MYOM1: variants seen among roughly 807,000 people sequenced by gnomAD.
MYOM1 encodes myomesin-1.
MYOM1 carries 164 observed loss-of-function variants against 205.3 expected under a neutral mutation model. The observed-to-expected ratio is 0.80, with a 90% CI of 0.70 to 0.91. The LOEUF is 0.91. Among genes scored for constraint, MYOM1 ranks in the 40% least tolerant of loss-of-function variants. The probability of loss-of-function intolerance (pLI) is 0.00; values close to 1 mark genes in which losing one functional copy is unlikely to be tolerated. For synonymous variants in MYOM1, 772 were observed against 789.4 expected, an observed-to-expected ratio of 0.98 and a Z score of 0.37; for missense variants, 2,011 against 2,127.3, an observed-to-expected ratio of 0.95 and a Z score of 1.08.
chr18:3,102,605 C>T lies in MYOM1; in HGVS notation c.3444G>A (p.Val1148=), dbSNP rs745657195. The T allele has an allele frequency of 9.3e-6, 15 of 1,613,560 alleles. No homozygotes were observed. The South Asian group carries it at 1.3e-4, about 14-fold the overall frequency. ...TCAATGAAATGACTCCATCATCATC[C>T]ACATTTACAACAACCTCTTTGGTTC... The part of the protein sequence containing the change: ...RPGTKEVVVN[V]DDDGVISLNF... Residue 1148 remains valine (V), a synonymous_variant, in exon 23 of 38, where the codon GTG becomes GTA. Coordinates refer to ENST00000356443, the MANE Select transcript of MYOM1 (RefSeq NM_003803.4).
At chr18:3,067,689 G>C (rs1167340752) in intron 37 of MYOM1, 134 bp from the exon 38 acceptor site, 3 of 869,762 alleles carry the variant, frequency 3.4e-6, no homozygotes, top group Admixed American at 5.6e-5. Context: ...AGGGTTTAAA[G>C]TAGTTCTGTG....
Position 3,173,954 on chromosome 18 carries a change from G to A in MYOM1, c.1158C>T (p.Ser386=), listed in dbSNP as rs1444919252. The change falls in exon 8 of 38, where the codon TCC becomes TCT. Residue 386 remains serine, a synonymous_variant. Coordinates refer to ENST00000356443, the MANE Select transcript of MYOM1 (RefSeq NM_003803.4). ...TAAACTTACAGCTGAGGGGCATGGT[G>A]GAAGCCCCAGCGTGGAAGCGAGTCT... ...FDETRFHAGA[S]TMPLSFGVTP... 1.9e-6 allele frequency: 3 copies of A among 1,613,604 alleles called. No homozygotes were observed. Among genetic ancestry groups the A allele is most frequent in the South Asian group, 1.1e-5 (1 of 91,066 alleles).
At chr18:3,075,263 C>A (rs537749092) in intron 36 of MYOM1, among the ~76,000 whole-genome samples, 191 bp downstream of exon 36, 8 of 152,194 alleles carry the variant, frequency 5.3e-5, no homozygotes, top group Non-Finnish European at 8.8e-5. Flanking sequence ...TACAATGTAA[C>A]CTGAGACCTT....
intron 2 of MYOM1, among the ~76,000 whole-genome samples, chr18:3,213,595 T>G (rs543586171): frequency 6.6e-6 from 1 of 151,884 alleles, no homozygotes; most frequent in South Asian, 2.1e-4. Context: ...ATAAGCCAAC[T>G]GCAAAGTGAA....
the MYOM1 span, among the ~76,000 whole-genome samples, chr18:3,227,175 CTTTT>C: frequency 6.0e-5 from 9 of 149,466 alleles, no homozygotes; most frequent in East Asian, 5.8e-4. Flanking sequence ...CTTTCTCTTT[CTTTT>C]GTTTTTTTTT....
At chr18:3,197,136 CT>C (rs34446814) in intron 2 of MYOM1, among the ~76,000 whole-genome samples, 32,651 of 132,156 alleles carry the variant, frequency 0.25, 2,780 homozygotes, top group African/African-American at 0.31. Flanking sequence ...CTCCAACTTC[CT>C]TTTTTTTTTT....
intron 14 of MYOM1, 22 bp downstream of exon 14, chr18:3,141,917 C>T (rs781089478): frequency 1.2e-6 from 2 of 1,613,060 alleles, no homozygotes; most frequent in African/African-American, 1.3e-5. Context: ...AGTATGAGGT[C>T]ATGTTGATTC....
intron 37 of MYOM1, among the ~76,000 whole-genome samples, chr18:3,070,957 T>C (rs1177258112): frequency 6.6e-6 from 1 of 151,934 alleles, no homozygotes; most frequent in Non-Finnish European, 1.5e-5. Context: ...TGGGGTTTCG[T>C]CGTGTTGCCC....
chr18:3,157,722 T>G (rs1253113607), intron 10 of MYOM1, among the ~76,000 whole-genome samples: 1 of 146,126 alleles, frequency 6.8e-6, no homozygotes, highest in African/African-American at 2.6e-5. Flanking sequence ...ATAATAATAA[T>G]AATCCTTCTT....
intron 34 of MYOM1, among the ~76,000 whole-genome samples, chr18:3,077,823 C>T (rs900741268): frequency 6.6e-6 from 1 of 152,166 alleles, no homozygotes. Flanking sequence ...ACTTGTGATG[C>T]AGGCAAAGTG....
At chr18:3,075,801 G>T (rs951941609) in intron 34 of MYOM1, 40 bp from the exon 35 acceptor site, 50 of 1,529,142 alleles carry the variant, frequency 3.3e-5, no homozygotes, top group Non-Finnish European at 4.3e-5. Flanking sequence ...TTCTCACCCA[G>T]AATTGATGAC....
At chr18:3,103,636 T>C (rs2079411310) in intron 22 of MYOM1, among the ~76,000 whole-genome samples, 1 of 152,210 alleles carries the variant, frequency 6.6e-6, no homozygotes, top group Admixed American at 6.5e-5. Context: ...ACAGCTGTAT[T>C]TTTTTAAAAA....
In MYOM1 at chr18:3,131,516, T is replaced by C. The variant is rs555728203; in HGVS notation, c.2385-20A>G. 2 of 1,605,928 alleles carry C rather than the reference T, an allele frequency of 1.2e-6. No homozygotes were observed. The highest frequency in any genetic ancestry group is 2.7e-5 in the African/African-American group (2 of 74,552). On this transcript the variant is annotated intron_variant, in intron 16 of 37. Transcript: ENST00000356443. ...GTGAATCTAAAAGGAAAACAAGTTT[T>C]AAAAAATTTTCCTAGGAGGAAGATT...
intron 2 of MYOM1, among the ~76,000 whole-genome samples, chr18:3,201,682 C>G (rs2081071011): frequency 6.8e-6 from 1 of 147,584 alleles, no homozygotes; most frequent in Non-Finnish European, 1.5e-5. Context: ...GAGTCTTGCT[C>G]TGTCACCCAG....
intron 23 of MYOM1, 137 bp from the exon 24 acceptor site, chr18:3,100,563 C>A: frequency 1.5e-6 from 1 of 664,990 alleles, no homozygotes; most frequent in African/African-American, 1.8e-5. Flanking sequence ...CTACAGCCTA[C>A]ATGTTCTTGG....
intron 2 of MYOM1, among the ~76,000 whole-genome samples, chr18:3,205,527 C>T (rs973444108): frequency 2.0e-4 from 31 of 152,268 alleles, no homozygotes; most frequent in African/African-American, 6.5e-4. Context: ...CTCTATTACA[C>T]ACACATTATA....
chr18:3,164,474 T>C (rs1033433295), intron 9 of MYOM1, 35 bp from the exon 10 acceptor site: 9 of 1,538,602 alleles, frequency 5.8e-6, no homozygotes, highest in Non-Finnish European at 7.0e-6. Context: ...AATTAACTTA[T>C]TTTTGTTTTA....
rs1962519 is a variant in MYOM1 at position 3,188,978 on chromosome 18, A to G, written c.541T>C (p.Ser181Pro). 692,321 of 1,612,490 alleles carry G rather than the reference A, an allele frequency of 0.43. 155,065 individuals are homozygous for G. The highest frequency in any genetic ancestry group is 0.83 in the East Asian group (37,160 of 44,734). Reference protein sequence around the residue: ...LLASEEGITTSKQSTASKQTT... With the variant: ...LLASEEGITTPKQSTASKQTT... ...TGCTTGGATGCCGTGGACTGTTTAG[A>G]TGTTGTGATTCCTTCCTCACTAGCA... Residue 181 changes from serine (S) to proline (P), a missense_variant, in exon 4 of 38, where the codon TCT (serine) becomes CCT (proline). Coordinates refer to ENST00000356443, the MANE Select transcript of MYOM1 (RefSeq NM_003803.4).
intron 2 of MYOM1, among the ~76,000 whole-genome samples, chr18:3,214,103 C>G (rs2081224425): frequency 6.6e-6 from 1 of 152,088 alleles, no homozygotes; most frequent in African/African-American, 2.4e-5. Flanking sequence ...ATCAAATGGT[C>G]GAGCTAAAGA....
Sources: gnomAD v4.1 joint callset for allele counts (sites outside exome capture counted in the v4.1 genomes callset) on GRCh38, gnomAD v4.1.1 for gene constraint, MANE v1.5 for transcripts, NCBI Gene and HGNC (gene_info 2026-07-23, HGNC 2026-07-21) for gene names.